Variants in ANKAR observed in about 807,000 individuals in gnomAD.
ANKAR encodes the protein ankyrin and armadillo repeat-containing protein.
Under a neutral mutation model 146.2 loss-of-function variants are expected in ANKAR, and 136 were observed. The observed-to-expected ratio is 0.93, with a 90% CI of 0.81 to 1.07. ANKAR has a LOEUF of 1.07. ANKAR is among the 50% of genes least tolerant of loss of function. ANKAR has a pLI of 0.00. For missense variants in ANKAR, 1,567 were observed against 1,679.9 expected, an observed-to-expected ratio of 0.93 and a Z score of 1.18; for synonymous variants, 500 against 575.8, an observed-to-expected ratio of 0.87 and a Z score of 1.88.
At chr2:189,746,327 G>A in intron 22 of ANKAR, 53 bp from the exon 23 acceptor site, 1 of 1,512,068 alleles carries the variant, frequency 6.6e-7, no homozygotes, top group Non-Finnish European at 8.9e-7. Context: ...TAGAAGTAAT[G>A]AGACTATACC....
chr2:189,758,082 C>T (rs2106046291), intron 18 of ANKAR, among the ~76,000 whole-genome samples: 1 of 152,108 alleles, frequency 6.6e-6, no homozygotes, highest in South Asian at 2.1e-4. Context: ...CTCATGAGAT[C>T]TTGTTGTTTA....
chr2:189,716,477 A>G (rs1433294470), intron 10 of ANKAR, among the ~76,000 whole-genome samples: 1 of 152,224 alleles, frequency 6.6e-6, no homozygotes, highest in East Asian at 1.9e-4. Flanking sequence ...ATGCTCATGG[A>G]TAGGAAGAAT....
intron 6 of ANKAR, among the ~76,000 whole-genome samples, chr2:189,695,604 C>A (rs1345219442): frequency 6.6e-6 from 1 of 152,216 alleles, no homozygotes; most frequent in South Asian, 2.1e-4. Context: ...CAAATCTCCA[C>A]ATCTGTTTCA....
At chr2:189,761,650 A>G (rs751063184), downstream of ANKAR, 1 of 1,545,494 alleles carries the variant, frequency 6.5e-7, no homozygotes, top group Non-Finnish European at 8.7e-7. Flanking sequence ...TACTTACTCT[A>G]TAGATAATTC....
At chr2:189,737,087 AAAAG>A (rs1204554831) in intron 17 of ANKAR, among the ~76,000 whole-genome samples, 4 of 141,836 alleles carry the variant, frequency 2.8e-5, no homozygotes, top group Non-Finnish European at 4.5e-5. Flanking sequence ...AAAAAAAAGA[AAAAG>A]AAAAAAAAAG....
Position 189,693,055 on chromosome 2 carries a change from A to G in ANKAR, c.1204-19A>G. ...ATGTGTCTAAGGATATGTCTTTAGT[A>G]ACATAACTCATATTTTAGAAAAATT... On this transcript the variant is annotated intron_variant, in intron 4 of 22. Coordinates refer to ENST00000684021, the MANE Select transcript of ANKAR (RefSeq NM_001378068.1). 8.0e-7 allele frequency: 1 copy of G among 1,252,412 alleles called. No individual in the cohort carries two copies. Among genetic ancestry groups the G allele is most frequent in the Non-Finnish European group, 1.1e-6 (1 of 880,872 alleles). 77.6% of individuals were successfully genotyped at this position (1,252,412 alleles called of 1,614,324 possible).
chr2:189,744,682 A>AT (rs113178256), intron 21 of ANKAR, 60 bp from the exon 22 acceptor site: 32,437 of 1,262,828 alleles, frequency 0.026, 667 homozygotes, highest in African/African-American at 0.067. Context: ...TTCTTCATAT[A>AT]TTTTTTCTGG....
downstream of ANKAR, among the ~76,000 whole-genome samples, chr2:189,749,244 TAAAAAAAA>T (rs397987026): frequency 4.7e-5 from 3 of 63,266 alleles, no homozygotes; most frequent in African/African-American, 1.9e-4. Context: ...AGACTCTGTC[TAAAAAAAA>T]AAAAAAAAAA....
intron 10 of ANKAR, among the ~76,000 whole-genome samples, chr2:189,714,302 A>C (rs2040114076): frequency 6.6e-6 from 1 of 152,216 alleles, no homozygotes; most frequent in Admixed American, 6.5e-5. Context: ...AATCAACAGA[A>C]TATACATTCT....
At chr2:189,711,977 G>C (rs1407765003) in intron 10 of ANKAR, among the ~76,000 whole-genome samples, 4 of 152,222 alleles carry the variant, frequency 2.6e-5, no homozygotes, top group Non-Finnish European at 5.9e-5. Context: ...CACACTGATG[G>C]AGCCTTGCTC....
At chr2:189,720,394 C>T (rs773181702) in intron 11 of ANKAR, among the ~76,000 whole-genome samples, 13 of 151,968 alleles carry the variant, frequency 8.6e-5, no homozygotes, top group Non-Finnish European at 1.5e-4. Context: ...ACTACAGGCA[C>T]GTGCCACCAC....
intron 5 of ANKAR, among the ~76,000 whole-genome samples, chr2:189,694,031 G>A (rs1474221335): frequency 3.9e-5 from 6 of 152,066 alleles, no homozygotes; most frequent in Non-Finnish European, 5.9e-5. Flanking sequence ...TTACGGGCAT[G>A]AGCCACCATG....
In ANKAR at chr2:189,754,654, A is replaced by G. The variant is rs2045807707; in HGVS notation, c.*585-6444A>G. On this transcript the variant is annotated intron_variant and NMD_transcript_variant, in intron 18 of 18. Transcript: ENST00000441800. ...AACGTCAATAATAAGAACTTGTCCT[A>G]TACTTCCTATTATTTCACTGTGGGA... The G allele has an allele frequency of 1.3e-5, 4 of 301,870 alleles. No individual in the cohort carries two copies. In the South Asian group the frequency reaches 2.2e-4, roughly 17 times the overall value. The allele number at this position is 301,870 out of a possible 1,614,324, so 18.7% of individuals were successfully genotyped here.
rs780788532 is a variant in ANKAR at position 189,730,538 on chromosome 2, A to T, written c.3237A>T (p.Val1079=). 1 of 1,605,124 alleles carries T rather than the reference A, an allele frequency of 6.2e-7. No individual in the cohort carries two copies. Among genetic ancestry groups the T allele is most frequent in the Non-Finnish European group, 8.5e-7 (1 of 1,174,924 alleles). ...TSNPVSQQLV[V]DENAFPVLIQ... is the part of the protein sequence containing the mutation. ...ATCCTGTCAGTCAACAATTGGTTGT[A>T]GATGAAAATGCCTTTCCAGTACTTA... is the stretch of plus-strand genomic sequence containing the variant. The change falls in exon 16 of 23, where the codon GTA becomes GTT. Residue 1079 remains valine (V), a synonymous_variant. Coordinates refer to ENST00000684021, the MANE Select transcript of ANKAR (RefSeq NM_001378068.1).
chr2:189,689,600 T>C lies in ANKAR; in HGVS notation c.675T>C (p.Tyr225=). The C allele has an allele frequency of 1.2e-6, 2 of 1,613,298 alleles. No individual in the cohort carries two copies. Among genetic ancestry groups the C allele is most frequent in the Non-Finnish European group, 8.5e-7 (1 of 1,179,688 alleles). Residue 225 remains tyrosine (Y), a synonymous_variant, in exon 3 of 23, where the codon TAT becomes TAC. Transcript: ENST00000684021. ...AAGACGTGAATGAAGATCCAACATA[T>C]GATCCCAACAGCCCTGAAGAAACAG... is the stretch of plus-strand genomic sequence containing the variant. The part of the protein sequence containing the change: ...YDEDVNEDPT[Y]DPNSPEETAV...
chr2:189,720,792 G>A lies in ANKAR; in HGVS notation c.2635+5G>A, dbSNP rs778991357. 6.8e-7 allele frequency: 1 copy of A among 1,460,828 alleles called. No homozygotes were observed. The highest frequency in any genetic ancestry group is 2.6e-5 in the East Asian group (1 of 39,084). The allele number at this position is 1,460,828 out of a possible 1,614,324, so 90.5% of individuals were successfully genotyped here. A position where few individuals can be genotyped will look rare whatever the true frequency, so the allele number is the denominator to read the frequency against. ...GATTTCTGAGTTCTGATTCAGGTGA[G>A]CTTCTATCTCTGTATTATTTTATAA... On this transcript the variant is annotated splice_donor_5th_base_variant and intron_variant, in intron 12 of 22. Transcript: ENST00000684021.
At chr2:189,739,061 C>G (rs1425270402) in intron 19 of ANKAR, among the ~76,000 whole-genome samples, 1 of 152,170 alleles carries the variant, frequency 6.6e-6, no homozygotes, top group East Asian at 1.9e-4. Context: ...TTCCTTTTGT[C>G]CAGTTGTGCA....
At chr2:189,677,118 T>A (rs2033825740) in intron 2 of ANKAR, 27 bp downstream of exon 2, 5 of 277,902 alleles carry the variant, frequency 1.8e-5, no homozygotes, top group Non-Finnish European at 2.4e-5. Flanking sequence ...CTTCTTAAAT[T>A]TTTTTTTTTT....
chr2:189,738,059 TTATACCTCATC>T (rs1451174427), intron 18 of ANKAR, among the ~76,000 whole-genome samples: 1 of 152,206 alleles, frequency 6.6e-6, no homozygotes, highest in African/African-American at 2.4e-5. Flanking sequence ...GCTTATGCCT[TTATACCTCATC>T]TGATGTTTAT....
Sources: allele counts gnomAD v4.1 joint callset (sites outside exome capture counted in the v4.1 genomes callset), GRCh38; gene constraint gnomAD v4.1.1; transcripts MANE v1.5; gene names NCBI Gene and HGNC (gene_info 2026-07-23, HGNC 2026-07-21).